The following ZNF569 variants were observed in gnomAD, a reference collection of about 807,000 sequenced individuals.
ZNF569 encodes DNA-binding protein.
In ZNF569, 38 loss-of-function variants were observed where a neutral mutation model predicts 56.3. That is an observed-to-expected ratio of 0.68 (90% CI 0.52 to 0.88). The LOEUF (loss-of-function observed/expected upper bound fraction) is 0.88. Among genes scored for constraint, ZNF569 ranks in the 40% least tolerant of loss-of-function variants. The probability of loss-of-function intolerance (pLI) is 0.00; values close to 1 mark genes in which losing one functional copy is unlikely to be tolerated. For synonymous variants in ZNF569, 241 were observed against 262.9 expected (o/e 0.92, Z 0.81); for missense variants, 666 against 809.2 (o/e 0.82, Z 2.15).
intron 5 of ZNF569, among the ~76,000 whole-genome samples, chr19:37,424,622 T>C (rs896478428): frequency 7.3e-5 from 11 of 151,638 alleles, no homozygotes; most frequent in African/African-American, 2.4e-4. Context: ...AAGACCAGCC[T>C]GGCCAACATA....
upstream of ZNF569, among the ~76,000 whole-genome samples, chr19:37,468,528 C>T (rs938397081): frequency 2.6e-5 from 4 of 151,880 alleles, no homozygotes; most frequent in African/African-American, 9.7e-5. Context: ...CGGAGTCTTG[C>T]TCTGTCGCTC....
intron 5 of ZNF569, among the ~76,000 whole-genome samples, chr19:37,417,588 T>C (rs1265778002): frequency 6.6e-6 from 1 of 152,156 alleles, no homozygotes; most frequent in Non-Finnish European, 1.5e-5. Flanking sequence ...TGTGGTACTT[T>C]GTTTCAGCAG....
chr19:37,444,594 G>C (rs1420399475), intron 3 of ZNF569, among the ~76,000 whole-genome samples: 3 of 152,092 alleles, frequency 2.0e-5, no homozygotes, highest in African/African-American at 7.2e-5. Flanking sequence ...AGGTATCAAT[G>C]AAAAGCTTAT....
In ZNF569 at chr19:37,426,285, T is replaced by C; in HGVS notation, c.109A>G (p.Met37Val). ...PAQRKLYRNV[M>V]LENYNNLITV... ...ATTAAGTTGTTATAGTTTTCTAGCA[T>C]CACATTCCGGTACAGTTTTCTCTGA... The change falls in exon 4 of 6, where the codon ATG (methionine) becomes GTG (valine). Residue 37 changes from methionine (M) to valine (V), a missense_variant. Met to Val is a conservative substitution (Grantham distance 21). Transcript: ENST00000316950. 6.2e-7 allele frequency: 1 copy of C among 1,613,594 alleles called. No individual in the cohort carries two copies. The highest frequency in any genetic ancestry group is 1.3e-5 in the African/African-American group (1 of 75,022).
At position 37,420,205 on chromosome 19, in the gene ZNF569, G is replaced by T. The variant is rs57053155; in HGVS notation, c.238+5663C>A. ...GGGTTTCACTATGTTGGCCAGGCTA[G>T]TCTCGAACTCCTGACCTCGTGATCT... On this transcript the variant is annotated intron_variant, in intron 5 of 5. Transcript: ENST00000316950. 3.8e-4 allele frequency among the ~76,000 whole-genome samples: 58 copies of T among 152,042 alleles called. No individual in the cohort carries two copies. In the East Asian group the frequency reaches 8.3e-3, roughly 22 times the overall value.
intron 2 of ZNF569, among the ~76,000 whole-genome samples, chr19:37,463,605 T>TA (rs1356385321): frequency 6.6e-6 from 1 of 152,260 alleles, no homozygotes; most frequent in Admixed American, 6.5e-5. Flanking sequence ...TTTTTATTGT[T>TA]AGAGTATATC....
chr19:37,449,354 T>C (rs1264937485), intron 2 of ZNF569, among the ~76,000 whole-genome samples: 2 of 152,250 alleles, frequency 1.3e-5, no homozygotes, highest in African/African-American at 4.8e-5. Context: ...TGACATTCAA[T>C]ACATGAATGT....
intron 5 of ZNF569, among the ~76,000 whole-genome samples, chr19:37,420,308 G>T (rs1973596224): frequency 6.6e-6 from 1 of 151,988 alleles, no homozygotes; most frequent in African/African-American, 2.4e-5. Context: ...AGATAACAAT[G>T]AAGAGTCACA....
In ZNF569 at chr19:37,411,516, T is replaced by TA. The variant is rs550314210; in HGVS notation, c.*1080dup. On this transcript the variant is annotated 3_prime_UTR_variant, in exon 6 of 6. Transcript: ENST00000316950. ...AAACCATGATTCAGGAACACAGTGA[T>TA]ATATATCTCTTTGTGTACATTTGTG... 1.5e-4 allele frequency: 23 copies of TA among 152,292 alleles called. No individual in the cohort carries two copies. The highest frequency in any genetic ancestry group is 1.0e-3 in the Admixed American group (16 of 15,306). The allele number at this position is 152,292 out of a possible 1,614,324, so 9.4% of individuals were successfully genotyped here.
chr19:37,448,710 C>T (rs1403133549), intron 2 of ZNF569, among the ~76,000 whole-genome samples: 7 of 151,750 alleles, frequency 4.6e-5, no homozygotes, highest in African/African-American at 1.7e-4. Flanking sequence ...ACTAAACGCG[C>T]CCGCAACCAC....
chr19:37,450,497 G>T (rs1434418144), intron 2 of ZNF569, among the ~76,000 whole-genome samples: 1 of 151,960 alleles, frequency 6.6e-6, no homozygotes, highest in Non-Finnish European at 1.5e-5. Context: ...CAGTTGTATT[G>T]TCTCTTCTTT....
chr19:37,437,349 T>C (rs2041327304), intron 3 of ZNF569, among the ~76,000 whole-genome samples: 1 of 152,076 alleles, frequency 6.6e-6, no homozygotes, highest in Non-Finnish European at 1.5e-5. Context: ...ATAAAAGCCA[T>C]ATATGACAGA....
At position 37,413,406 on chromosome 19, in the gene ZNF569, C is replaced by G. The variant is rs983367315; in HGVS notation, c.1252G>C (p.Ala418Pro). 6.2e-7 allele frequency: 1 copy of G among 1,613,090 alleles called. No homozygotes were observed. Among genetic ancestry groups the G allele is most frequent in the Admixed American group, 1.7e-5 (1 of 59,822 alleles). Residue 418 changes from alanine (A) to proline (P), a missense_variant, in exon 6 of 6, where the codon GCC becomes CCC. By Grantham distance (27) the Ala-to-Pro change is conservative. Transcript: ENST00000316950. Reference sequence around the variant, plus strand: ...ATGAAGTTTTTCTTGTGGCTGAAGGCTTTTCTGCATTCCTTACATTCATAG... The same window carrying G: ...ATGAAGTTTTTCTTGTGGCTGAAGGGTTTTCTGCATTCCTTACATTCATAG... ...KPYECKECRK[A>P]FSHKKNFITH...
intron 4 of ZNF569, 72 bp downstream of exon 4, chr19:37,426,180 T>C: frequency 6.6e-7 from 1 of 1,517,572 alleles, no homozygotes; most frequent in South Asian, 1.3e-5. Context: ...GTCCATGTAT[T>C]TCAGAAACAC....
intron 5 of ZNF569, among the ~76,000 whole-genome samples, chr19:37,421,415 C>T (rs141999563): frequency 1.1e-3 from 164 of 152,300 alleles, no homozygotes; most frequent in African/African-American, 3.5e-3. Context: ...CATCAATAAT[C>T]TTAGCTAGAT....
intron 2 of ZNF569, among the ~76,000 whole-genome samples, chr19:37,462,213 C>CT (rs1163927769): frequency 6.6e-6 from 1 of 152,110 alleles, no homozygotes; most frequent in African/African-American, 2.4e-5. Flanking sequence ...TCCCTCTCTC[C>CT]TGTTATTGCC....
chr19:37,422,551 G>A (rs28623164), intron 5 of ZNF569, among the ~76,000 whole-genome samples: 41,327 of 152,054 alleles, frequency 0.27, 7,023 homozygotes, highest in African/African-American at 0.47. Flanking sequence ...GTGCCAATGG[G>A]CTTGTTCGAT....
chr19:37,444,816 G>T, intron 3 of ZNF569, 91 bp downstream of exon 3: 1 of 993,190 alleles, frequency 1.0e-6, no homozygotes. Context: ...TATGTATACA[G>T]ACCTTTATAA....
intron 3 of ZNF569, among the ~76,000 whole-genome samples, chr19:37,430,735 T>C (rs569828705): frequency 5.3e-5 from 8 of 152,146 alleles, no homozygotes; most frequent in African/African-American, 1.2e-4. Flanking sequence ...AGTCACAGTA[T>C]CTGGTTTTAA....
Sources: allele counts gnomAD v4.1 joint callset (sites outside exome capture counted in the v4.1 genomes callset), GRCh38; gene constraint gnomAD v4.1.1; transcripts MANE v1.5; gene names NCBI Gene and HGNC (gene_info 2026-07-23, HGNC 2026-07-21).